Variants in MARCHF1 observed in about 807,000 individuals in gnomAD.
MARCHF1 encodes the protein membrane associated ring-CH-type finger 1.
MARCHF1 carries 40 observed loss-of-function variants against 54.2 expected under a neutral mutation model. That is an observed-to-expected ratio of 0.74 (90% CI 0.57 to 0.96). The LOEUF (loss-of-function observed/expected upper bound fraction) is 0.96, where lower values mean the gene tolerates loss of function less well. MARCHF1 is among the 40% of genes least tolerant of loss of function. MARCHF1 has a pLI of 0.00. For synonymous variants in MARCHF1, 236 were observed against 236.3 expected (o/e 1.00, Z 0.01); for missense variants, 586 against 656.5 (o/e 0.89, Z 1.17).
Position 163,737,155 on chromosome 4 carries a change from TTTTTCTTTC to T in MARCHF1, c.112-36301_112-36293del, listed in dbSNP as rs1206114441. On this transcript the variant is annotated intron_variant, in intron 4 of 9. Transcript: ENST00000514618. ...AAGTCACTTATCAGCGCTCGCAGCT[TTTTTCTTTC>T]TTTTTTTTTTTTTTTTTTCACATAT... Among the ~76,000 whole-genome samples, 693 of 98,686 alleles carry T rather than the reference TTTTTCTTTC, an allele frequency of 7.0e-3. 95 individuals are homozygous for T. Among genetic ancestry groups the T allele is most frequent in the South Asian group, 0.028 (93 of 3,352 alleles). 64.7% of individuals were successfully genotyped at this position (98,686 alleles called of 152,430 possible).
At chr4:164,371,846 T>G (rs1731045792) in intron 1 of MARCHF1, among the ~76,000 whole-genome samples, 1 of 152,210 alleles carries the variant, frequency 6.6e-6, no homozygotes, top group Admixed American at 6.5e-5. Context: ...TTATTCTTAT[T>G]TAAGTACCTA....
At chr4:164,168,873 T>C (rs879924292) in intron 1 of MARCHF1, among the ~76,000 whole-genome samples, 14 of 152,084 alleles carry the variant, frequency 9.2e-5, no homozygotes, top group Non-Finnish European at 1.8e-4. Context: ...ATGTTATATG[T>C]ACTGTACAAA....
intron 3 of MARCHF1, among the ~76,000 whole-genome samples, chr4:163,966,857 G>A (rs750049351): frequency 1.3e-5 from 2 of 152,074 alleles, no homozygotes; most frequent in African/African-American, 4.8e-5. Context: ...AAAAACTAGC[G>A]TGATTGTACG....
At chr4:164,146,830 A>C (rs1164272416) in intron 1 of MARCHF1, among the ~76,000 whole-genome samples, 3 of 151,922 alleles carry the variant, frequency 2.0e-5, no homozygotes, top group Non-Finnish European at 4.4e-5. Context: ...AATGGGATCT[A>C]ATTAAACTAA....
intron 2 of MARCHF1, among the ~76,000 whole-genome samples, chr4:164,035,837 T>C (rs1753982717): frequency 6.6e-6 from 1 of 150,766 alleles, no homozygotes; most frequent in African/African-American, 2.4e-5. Flanking sequence ...TCTCAGCGCT[T>C]TGGGAGGGGG....
At chr4:163,599,118 T>C (rs1740864790) in intron 7 of MARCHF1, among the ~76,000 whole-genome samples, 1 of 151,606 alleles carries the variant, frequency 6.6e-6, no homozygotes, top group African/African-American at 2.4e-5. Flanking sequence ...CGAAACCCCG[T>C]CTCTACTACA....
At chr4:164,376,266 G>T (rs2110973257) in intron 1 of MARCHF1, among the ~76,000 whole-genome samples, 1 of 152,256 alleles carries the variant, frequency 6.6e-6, no homozygotes, top group Non-Finnish European at 1.5e-5. Context: ...GGTCTCACTT[G>T]GTGATCTGAA....
intron 4 of MARCHF1, among the ~76,000 whole-genome samples, chr4:163,773,347 T>G (rs1011026280): frequency 6.6e-6 from 1 of 152,200 alleles, no homozygotes; most frequent in African/African-American, 2.4e-5. Flanking sequence ...TGCTAAATTT[T>G]TATTTCTTTT....
chr4:164,359,425 T>G (rs1481764552), intron 1 of MARCHF1, among the ~76,000 whole-genome samples: 2 of 152,192 alleles, frequency 1.3e-5, no homozygotes, highest in Non-Finnish European at 2.9e-5. Flanking sequence ...GATAAATCCC[T>G]GAACTGCTTC....
chr4:164,030,468 T>A (rs546629265), intron 2 of MARCHF1, among the ~76,000 whole-genome samples: 1 of 152,348 alleles, frequency 6.6e-6, no homozygotes, highest in East Asian at 1.9e-4. Flanking sequence ...ACTTTTGCAT[T>A]CTGCTTCAAG....
intron 2 of MARCHF1, among the ~76,000 whole-genome samples, chr4:164,029,058 T>A (rs1188674349): frequency 6.6e-6 from 1 of 152,236 alleles, no homozygotes; most frequent in East Asian, 1.9e-4. Flanking sequence ...ACCATTAATC[T>A]CCTGTGAGAA....
intron 2 of MARCHF1, among the ~76,000 whole-genome samples, chr4:164,089,803 G>T (rs1028437371): frequency 6.6e-6 from 1 of 151,910 alleles, no homozygotes; most frequent in Non-Finnish European, 1.5e-5. Context: ...ACTCTTTAAA[G>T]GTTTGAAGGA....
intron 4 of MARCHF1, among the ~76,000 whole-genome samples, chr4:163,850,338 C>T (rs1227442396): frequency 1.3e-5 from 2 of 152,314 alleles, no homozygotes; most frequent in African/African-American, 2.4e-5. Context: ...TTTTGAGGGG[C>T]TTGTCCTCTA....
In MARCHF1 at chr4:163,704,759, A is replaced by C. The variant is rs578242147; in HGVS notation, c.112-3896T>G. Among the ~76,000 whole-genome samples, 5 of 151,944 alleles carry C rather than the reference A, an allele frequency of 3.3e-5. No homozygotes were observed. The South Asian group carries it at 1.0e-3, about 31-fold the overall frequency. Reference sequence around the variant, plus strand: ...ATCCAGATAACAGTTTATAACTGTAAATGTTTTCATTATTAAAGAACACAA... The same window carrying C: ...ATCCAGATAACAGTTTATAACTGTACATGTTTTCATTATTAAAGAACACAA... On this transcript the variant is annotated intron_variant, in intron 4 of 9. Transcript: ENST00000514618.
At chr4:163,975,194 TCTCACA>T (rs1369929513) in intron 3 of MARCHF1, among the ~76,000 whole-genome samples, 2 of 111,574 alleles carry the variant, frequency 1.8e-5, no homozygotes, top group African/African-American at 3.6e-5. Flanking sequence ...TCTCTCTCTC[TCTCACA>T]CACACACACA....
intron 2 of MARCHF1, among the ~76,000 whole-genome samples, chr4:164,090,710 T>C (rs930607051): frequency 6.6e-6 from 1 of 152,074 alleles, no homozygotes; most frequent in Non-Finnish European, 1.5e-5. Flanking sequence ...CTTATTGAGA[T>C]AAGAATCTTA....
At chr4:163,915,002 T>C (rs940741645) in intron 3 of MARCHF1, among the ~76,000 whole-genome samples, 1 of 152,154 alleles carries the variant, frequency 6.6e-6, no homozygotes, top group Admixed American at 6.6e-5. Context: ...AGGGGACAGA[T>C]CCCTGCAGGG....
chr4:164,179,964 T>C (rs752205479), intron 1 of MARCHF1, among the ~76,000 whole-genome samples: 2 of 148,922 alleles, frequency 1.3e-5, no homozygotes, highest in Non-Finnish European at 3.0e-5. Context: ...ATTAACTCCA[T>C]ACTAGATGGT....
intron 4 of MARCHF1, among the ~76,000 whole-genome samples, chr4:163,826,331 T>G (rs1476865965): frequency 6.6e-6 from 1 of 152,048 alleles, no homozygotes; most frequent in African/African-American, 2.4e-5. Flanking sequence ...TCAGCAAGTA[T>G]GAATAAAGAC....
Sources: allele counts gnomAD v4.1 joint callset (sites outside exome capture counted in the v4.1 genomes callset), GRCh38; gene constraint gnomAD v4.1.1; transcripts MANE v1.5; gene names NCBI Gene and HGNC (gene_info 2026-07-23, HGNC 2026-07-21).